Variants in WWC2 observed in about 807,000 individuals in gnomAD.
The protein encoded by WWC2 is WW and C2 domain containing 2.
A neutral mutation model predicts 138.5 loss-of-function variants in WWC2; 101 were observed. That is an observed-to-expected ratio of 0.73 (90% CI 0.62 to 0.86). WWC2 has a LOEUF of 0.86. Among genes scored for constraint, WWC2 ranks in the 40% least tolerant of loss-of-function variants. The pLI, the probability that WWC2 is intolerant of heterozygous loss-of-function variation, is 0.00. For synonymous variants in WWC2, 558 were observed against 538.4 expected, an observed-to-expected ratio of 1.04 and a Z score of -0.50; for missense variants, 1,420 against 1,419.4, an observed-to-expected ratio of 1.00 and a Z score of -0.01.
chr4:183,104,981 A>C (rs1743303217), intron 1 of WWC2, among the ~76,000 whole-genome samples: 1 of 152,142 alleles, frequency 6.6e-6, no homozygotes. Context: ...ATCTCGTCTT[A>C]CTACAACCTG....
At chr4:183,112,960 ACTAGTT>A (rs1269837307) in intron 1 of WWC2, among the ~76,000 whole-genome samples, 1 of 151,978 alleles carries the variant, frequency 6.6e-6, no homozygotes, top group Non-Finnish European at 1.5e-5. Flanking sequence ...TTAAATTTAA[ACTAGTT>A]AAAATTAAGT....
At chr4:183,135,784 GTCT>G (rs751235350) in intron 1 of WWC2, among the ~76,000 whole-genome samples, 4 of 152,058 alleles carry the variant, frequency 2.6e-5, no homozygotes, top group Admixed American at 1.3e-4. Context: ...CTTGGAAAAT[GTCT>G]TCATTTCATT....
At chr4:183,209,284 T>G (rs1735530756) in intron 4 of WWC2, among the ~76,000 whole-genome samples, 1 of 152,210 alleles carries the variant, frequency 6.6e-6, no homozygotes, top group African/African-American at 2.4e-5. Context: ...AGTCTCACTC[T>G]GTCACCCAGG....
intron 1 of WWC2, among the ~76,000 whole-genome samples, chr4:183,102,274 GC>G (rs1743204679): frequency 6.6e-6 from 1 of 152,120 alleles, no homozygotes; most frequent in African/African-American, 2.4e-5. Flanking sequence ...CACCATTAGG[GC>G]CCAGCCTAAT....
chr4:183,241,063 G>A lies in WWC2; in HGVS notation c.602+801G>A, dbSNP rs575485100. ...TCTCATGGGAGAGAAGCAGTCCATG[G>A]TTTTCACAGCCACATGACCACGGAG... On this transcript the variant is annotated intron_variant, in intron 5 of 22. Transcript: ENST00000403733. Among the ~76,000 whole-genome samples, 97 of 152,310 alleles carry A rather than the reference G, an allele frequency of 6.4e-4. 1 individual carries two copies. The highest frequency in any genetic ancestry group is 9.7e-4 in the Non-Finnish European group (66 of 68,038).
intron 1 of WWC2, among the ~76,000 whole-genome samples, chr4:183,111,067 A>G (rs1388737090): frequency 6.6e-6 from 1 of 152,004 alleles, no homozygotes; most frequent in Non-Finnish European, 1.5e-5. Context: ...GTGAAACCCC[A>G]TCTCTACTAA....
At chr4:183,209,099 T>C (rs2111241900) in intron 4 of WWC2, 74 bp downstream of exon 4, 4 of 1,051,486 alleles carry the variant, frequency 3.8e-6, no homozygotes, top group East Asian at 2.6e-5. Flanking sequence ...GGGGCTTTAG[T>C]GATCAGTTCT....
chr4:183,146,341 A>G (rs770199269), intron 1 of WWC2, among the ~76,000 whole-genome samples: 8 of 152,156 alleles, frequency 5.3e-5, no homozygotes, highest in South Asian at 2.1e-4. Flanking sequence ...GAAAAAAAAG[A>G]AGGAGGAATA....
At chr4:183,306,203 G>A (rs1486109045) in intron 21 of WWC2, among the ~76,000 whole-genome samples, 2 of 152,180 alleles carry the variant, frequency 1.3e-5, no homozygotes, top group Non-Finnish European at 2.9e-5. Flanking sequence ...CAGTGAAAGA[G>A]TAGAAGACAA....
At chr4:183,231,635 G>T (rs998691282) in intron 4 of WWC2, among the ~76,000 whole-genome samples, 1 of 152,142 alleles carries the variant, frequency 6.6e-6, no homozygotes, top group Non-Finnish European at 1.5e-5. Context: ...AACGAGGAAT[G>T]AGTGCTACAG....
chr4:183,246,788 T>C (rs988218136), intron 6 of WWC2, among the ~76,000 whole-genome samples: 1 of 152,224 alleles, frequency 6.6e-6, no homozygotes, highest in Non-Finnish European at 1.5e-5. Flanking sequence ...CATGCAAGAC[T>C]TTACTTGTGT....
intron 1 of WWC2, among the ~76,000 whole-genome samples, chr4:183,110,565 T>C (rs1033402392): frequency 1.3e-5 from 2 of 151,986 alleles, no homozygotes; most frequent in African/African-American, 2.4e-5. Context: ...GAGTTATGTA[T>C]TGGGAGCTGT....
intron 21 of WWC2, among the ~76,000 whole-genome samples, chr4:183,296,290 C>T (rs1738627490): frequency 1.3e-5 from 2 of 152,216 alleles, no homozygotes; most frequent in East Asian, 3.9e-4. Context: ...CTGGCACCCA[C>T]ATGGCAGTAC....
chr4:183,268,928 A>C (rs780285812), intron 14 of WWC2, 43 bp from the exon 15 acceptor site: 9 of 1,545,500 alleles, frequency 5.8e-6, no homozygotes, highest in Non-Finnish European at 7.9e-6. Context: ...ATCTGGTATA[A>C]TTAAAGTACC....
At chr4:183,192,922 ATTAGTT>A (rs1486442136) in intron 1 of WWC2, among the ~76,000 whole-genome samples, 1 of 152,200 alleles carries the variant, frequency 6.6e-6, no homozygotes, top group Non-Finnish European at 1.5e-5. Flanking sequence ...TGGTTTCTTC[ATTAGTT>A]TTAAAGAGAA....
chr4:183,200,283 T>C (rs1735262844), intron 2 of WWC2, among the ~76,000 whole-genome samples: 2 of 152,194 alleles, frequency 1.3e-5, no homozygotes, highest in Non-Finnish European at 2.9e-5. Context: ...TATTGAAATA[T>C]ACCGTGTCCC....
chr4:183,116,767 A>G (rs903870972), intron 1 of WWC2, among the ~76,000 whole-genome samples: 5 of 152,252 alleles, frequency 3.3e-5, no homozygotes, highest in African/African-American at 1.2e-4. Context: ...TCCTTGAATT[A>G]AACTATTACT....
In WWC2 at chr4:183,280,883, C is replaced by T. The variant is rs1395181266; in HGVS notation, c.2670C>T (p.Gly890=). 6.4e-7 allele frequency: 1 copy of T among 1,569,470 alleles called. No homozygotes were observed. The highest frequency in any genetic ancestry group is 1.9e-5 in the Admixed American group (1 of 52,556). The change falls in exon 17 of 23, where the codon GGC becomes GGT. Residue 890 remains glycine, a synonymous_variant. Coordinates refer to ENST00000403733, the MANE Select transcript of WWC2 (RefSeq NM_024949.6). Reference sequence around the variant, plus strand: ...AATCAGGACAAGAAGAGCCAAGGGGCCCAGATGGAGACTGGTTAAACACTT... The same window carrying T: ...AATCAGGACAAGAAGAGCCAAGGGGTCCAGATGGAGACTGGTTAAACACTT... ...EEESGQEEPR[G]PDGDWLTMLR... is the part of the protein sequence containing the mutation.
intron 1 of WWC2, among the ~76,000 whole-genome samples, chr4:183,146,836 C>T (rs1048974180): frequency 6.6e-6 from 1 of 152,180 alleles, no homozygotes; most frequent in African/African-American, 2.4e-5. Flanking sequence ...GTTGAAGGAT[C>T]TGGAGTGACC....
Sources: allele counts gnomAD v4.1 joint callset (sites outside exome capture counted in the v4.1 genomes callset), GRCh38; gene constraint gnomAD v4.1.1; transcripts MANE v1.5; gene names NCBI Gene and HGNC (gene_info 2026-07-23, HGNC 2026-07-21).